TRIO: variants seen among roughly 807,000 people sequenced by gnomAD.
TRIO encodes triple functional domain protein.
TRIO carries 58 observed loss-of-function variants against 351.9 expected under a neutral mutation model. The observed-to-expected ratio is 0.16, with a 90% confidence interval of 0.13 to 0.21. TRIO has a LOEUF of 0.21. Ranked by LOEUF, TRIO falls within the 10% of genes least tolerant of loss-of-function variation. TRIO has a pLI of 1.00. For missense variants in TRIO, 3,201 were observed against 4,027.8 expected (o/e 0.79, Z 5.56); for synonymous variants, 1,758 against 1,595.7 (o/e 1.10, Z -2.42).
At chr5:14,250,971 A>G (rs1290462243) in intron 1 of TRIO, among the ~76,000 whole-genome samples, 1 of 152,178 alleles carries the variant, frequency 6.6e-6, no homozygotes, top group African/African-American at 2.4e-5. Context: ...CCATGTCAGA[A>G]AAGGGAACAC....
intron 34 of TRIO, among the ~76,000 whole-genome samples, chr5:14,452,754 A>G (rs1752931415): frequency 6.6e-6 from 1 of 152,230 alleles, no homozygotes; most frequent in South Asian, 2.1e-4. Context: ...CTGCTCAGCA[A>G]TGCAGTTGTT....
Position 14,286,743 on chromosome 5 carries a change from T to C in TRIO, c.348-128T>C. 1 of 925,078 alleles carries C rather than the reference T, an allele frequency of 1.1e-6. No individual in the cohort carries two copies. Among genetic ancestry groups the C allele is most frequent in the East Asian group, 2.6e-5 (1 of 38,866 alleles). 57.3% of individuals were successfully genotyped at this position (925,078 alleles called of 1,614,324 possible). ...CGAGAAGGAGCTGAGCACAGTGTGCTCCTTCCCCTGCCTCCGCACGTGTCC... is the reference window on the plus strand; with the variant it reads ...CGAGAAGGAGCTGAGCACAGTGTGCCCCTTCCCCTGCCTCCGCACGTGTCC... On this transcript the variant is annotated intron_variant, in intron 3 of 56. Coordinates refer to ENST00000344204, the MANE Select transcript of TRIO (RefSeq NM_007118.4). This position sits in a 1 kb window ranked among gnomAD's most constrained non-coding sequence, Gnocchi z 4.4.
chr5:14,199,111 C>CCTGTAATCCCA (rs1790939534), intron 1 of TRIO, among the ~76,000 whole-genome samples: 1 of 139,608 alleles, frequency 7.2e-6, no homozygotes, highest in Admixed American at 7.9e-5. Flanking sequence ...ATGGCAGGTG[C>CCTGTAATCCCA]CTGTAATCCC....
At chr5:14,359,281 T>C in intron 12 of TRIO, 76 bp from the exon 13 acceptor site, 1 of 1,535,216 alleles carries the variant, frequency 6.5e-7, no homozygotes, top group East Asian at 2.3e-5. Flanking sequence ...CCCCTGAAGA[T>C]TTGCGTGGCC....
chr5:14,440,491 T>C (rs547933160), intron 34 of TRIO, among the ~76,000 whole-genome samples: 27 of 152,332 alleles, frequency 1.8e-4, no homozygotes, highest in Middle Eastern at 3.4e-3. Flanking sequence ...GTTTCTCCGC[T>C]AAGGAAAAGA....
At chr5:14,171,006 A>C (rs1210438014) in intron 1 of TRIO, among the ~76,000 whole-genome samples, 4 of 152,152 alleles carry the variant, frequency 2.6e-5, no homozygotes, top group Non-Finnish European at 4.4e-5. Context: ...CTGAAACTTG[A>C]CTCTGTTTTA....
rs1369874606 is a variant in TRIO at position 14,509,342 on chromosome 5, A to G, written c.*920A>G. Reference sequence around the variant, plus strand: ...TGTTGTACCTGTAATAAATATATAGAAAAAGCACATACTTCGTATGGTGAG... The same window carrying G: ...TGTTGTACCTGTAATAAATATATAGGAAAAGCACATACTTCGTATGGTGAG... On this transcript the variant is annotated 3_prime_UTR_variant, in exon 57 of 57. Transcript: ENST00000344204. The G allele has an allele frequency of 1.8e-5, 8 of 438,970 alleles. No individual in the cohort carries two copies. Among genetic ancestry groups the G allele is most frequent in the African/African-American group, 1.0e-4 (5 of 48,794 alleles). The allele number at this position is 438,970 out of a possible 1,614,324, so 27.2% of individuals were successfully genotyped here. A position where few individuals can be genotyped will look rare whatever the true frequency, so the allele number is the denominator to read the frequency against.
chr5:14,309,033 T>C (rs1738662633), intron 8 of TRIO, among the ~76,000 whole-genome samples: 1 of 151,168 alleles, frequency 6.6e-6, no homozygotes, highest in African/African-American at 2.4e-5. Flanking sequence ...ACCCAGCCAC[T>C]CAGCCACTCA....
chr5:14,508,415 G>T lies in TRIO; in HGVS notation c.9287G>T (p.Arg3096Ile). ...KNFLQSRLLP[R>I]V The stretch of plus-strand genomic sequence containing the variant: ...TTTCTGCAGAGCAGGCTTCTGCCTA[G>T]AGTTTGACCTATCCAGAAGTTCTTT... Residue 3096 changes from arginine to isoleucine, a missense_variant, in exon 57 of 57, where the codon AGA becomes ATA. Coordinates refer to ENST00000344204, the MANE Select transcript of TRIO (RefSeq NM_007118.4). 6.2e-7 allele frequency: 1 copy of T among 1,603,554 alleles called. No individual in the cohort carries two copies. The highest frequency in any genetic ancestry group is 8.5e-7 in the Non-Finnish European group (1 of 1,173,428).
intron 8 of TRIO, among the ~76,000 whole-genome samples, chr5:14,308,464 A>T (rs927885256): frequency 4.3e-5 from 6 of 140,300 alleles, no homozygotes; most frequent in Admixed American, 2.9e-4. Context: ...CCCATCCATT[A>T]TTCCATCCAA....
intron 34 of TRIO, among the ~76,000 whole-genome samples, chr5:14,428,386 T>G (rs888207446): frequency 6.6e-5 from 10 of 150,670 alleles, no homozygotes; most frequent in African/African-American, 9.7e-5. Flanking sequence ...TATATACAGG[T>G]TTTTTTTTAA....
chr5:14,352,447 A>G (rs1010468337), intron 11 of TRIO, among the ~76,000 whole-genome samples: 2 of 152,204 alleles, frequency 1.3e-5, no homozygotes. Context: ...TTAGGAGTTT[A>G]TGGTAAGAAT....
rs1746065298 is a variant in TRIO, at chr5:14,381,124, T to C, written c.3448-6T>C. On this transcript the variant is annotated splice_region_variant and splice_polypyrimidine_tract_variant and intron_variant, in intron 20 of 56. Coordinates refer to ENST00000344204, the MANE Select transcript of TRIO (RefSeq NM_007118.4). The stretch of plus-strand genomic sequence containing the variant: ...CTCTGACTCCATTCATTCCTTCCCC[T>C]TCCAGGCTTTGGAATGGATCCATGA... 6.2e-7 allele frequency: 1 copy of C among 1,612,902 alleles called. No homozygotes were observed. The highest frequency in any genetic ancestry group is 1.7e-5 in the Admixed American group (1 of 59,866).
At position 14,461,002 on chromosome 5, in the gene TRIO, C is replaced by CT; in HGVS notation, c.5204-16dup. The CT allele has an allele frequency of 6.5e-7, 1 of 1,543,306 alleles. No individual in the cohort carries two copies. The highest frequency in any genetic ancestry group is 8.8e-7 in the Non-Finnish European group (1 of 1,142,014). On this transcript the variant is annotated splice_polypyrimidine_tract_variant and intron_variant, in intron 34 of 56. Transcript: ENST00000344204. ...TCTGTGCGAGTCAGTGATACTCCCT[C>CT]TCTTTCTCCCTGGCAGACTCGCTCT...
At chr5:14,465,898 T>C in intron 37 of TRIO, 1 of 460,352 alleles carries the variant, frequency 2.2e-6, no homozygotes, top group Admixed American at 3.3e-5. Context: ...AAGAACTGCA[T>C]AGGGCAGGTC....
intron 28 of TRIO, among the ~76,000 whole-genome samples, chr5:14,395,932 G>A (rs1194891903): frequency 6.6e-6 from 1 of 151,558 alleles, no homozygotes; most frequent in East Asian, 1.9e-4. Context: ...TGTAGTCCCA[G>A]CTGCTCCGGA....
intron 1 of TRIO, among the ~76,000 whole-genome samples, chr5:14,247,455 T>G (rs1223088458): frequency 6.6e-6 from 1 of 152,362 alleles, no homozygotes; most frequent in South Asian, 2.1e-4. Flanking sequence ...TGGTAAGATA[T>G]AAAAGTCTTT....
intron 11 of TRIO, among the ~76,000 whole-genome samples, chr5:14,345,064 C>G (rs1742293491): frequency 6.6e-6 from 1 of 152,090 alleles, no homozygotes; most frequent in Non-Finnish European, 1.5e-5. Context: ...ATAATATTAT[C>G]TGAAAGGAAA....
chr5:14,282,119 A>G (rs568814358), intron 3 of TRIO, among the ~76,000 whole-genome samples: 1 of 152,350 alleles, frequency 6.6e-6, no homozygotes, highest in African/African-American at 2.4e-5. Flanking sequence ...TCAGTGACTA[A>G]GTGAGCCCTA....
Sources: gnomAD v4.1 joint callset for allele counts (sites outside exome capture counted in the v4.1 genomes callset) on GRCh38, gnomAD v4.1.1 for gene constraint, Gnocchi (gnomAD v3.1) non-coding constraint, MANE v1.5 for transcripts, NCBI Gene and HGNC (gene_info 2026-07-23, HGNC 2026-07-21) for gene names.